Variants in CBLB observed in about 807,000 individuals in gnomAD.
CBLB encodes the protein Cbl proto-oncogene B.
CBLB carries 31 observed loss-of-function variants against 104.9 expected under a neutral mutation model. The ratio of observed to expected loss-of-function variants is 0.30; its 90% CI spans 0.22 to 0.40. The LOEUF is 0.40. CBLB is among the 10% of genes least tolerant of loss of function. The probability of loss-of-function intolerance (pLI) is 1.00; values close to 1 mark genes in which losing one functional copy is unlikely to be tolerated. For missense variants in CBLB, 1,062 were observed against 1,214.6 expected, an observed-to-expected ratio of 0.87 and a Z score of 1.87; for synonymous variants, 440 against 422.6, an observed-to-expected ratio of 1.04 and a Z score of -0.51.
intron 5 of CBLB, among the ~76,000 whole-genome samples, chr3:105,748,889 A>AC (rs1370158240): frequency 1.3e-5 from 2 of 152,086 alleles, no homozygotes; most frequent in Non-Finnish European, 2.9e-5. Flanking sequence ...TACCTTGCTC[A>AC]CCTTCAGTTC....
intron 12 of CBLB, 128 bp downstream of exon 12, chr3:105,701,966 G>C (rs2069189046): frequency 2.1e-6 from 2 of 933,330 alleles, no homozygotes; most frequent in Non-Finnish European, 3.4e-6. Flanking sequence ...TATAACTTGG[G>C]GATAATTAAA....
intron 3 of CBLB, among the ~76,000 whole-genome samples, chr3:105,839,254 A>C (rs1340386354): frequency 6.6e-6 from 1 of 152,234 alleles, no homozygotes; most frequent in Non-Finnish European, 1.5e-5. Context: ...CAGGAAAGCC[A>C]CTAGATTAAA....
chr3:105,775,925 C>T (rs1181409998), intron 4 of CBLB, among the ~76,000 whole-genome samples: 1 of 152,148 alleles, frequency 6.6e-6, no homozygotes, highest in Non-Finnish European at 1.5e-5. Flanking sequence ...CGATTTCAGA[C>T]CTTAACCAAG....
At chr3:105,769,593 T>C (rs964591804) in intron 4 of CBLB, among the ~76,000 whole-genome samples, 1 of 152,118 alleles carries the variant, frequency 6.6e-6, no homozygotes, top group African/African-American at 2.4e-5. Flanking sequence ...TGACTGCCTA[T>C]CCAAGCAGTG....
At chr3:105,734,183 C>T (rs772145896) in intron 8 of CBLB, 43 bp from the exon 9 acceptor site, 3 of 1,603,792 alleles carry the variant, frequency 1.9e-6, no homozygotes, top group Middle Eastern at 1.7e-4. Context: ...TAATGTATTT[C>T]CAGCACAAAT....
chr3:105,731,138 C>T (rs1324504708), intron 9 of CBLB, among the ~76,000 whole-genome samples: 1 of 152,146 alleles, frequency 6.6e-6, no homozygotes, highest in African/African-American at 2.4e-5. Flanking sequence ...TGCACAGTAA[C>T]ACATAGACAT....
At chr3:105,756,977 C>T (rs1338488532) in intron 4 of CBLB, among the ~76,000 whole-genome samples, 2 of 152,104 alleles carry the variant, frequency 1.3e-5, no homozygotes, top group African/African-American at 2.4e-5. Context: ...TTTAAGTGCA[C>T]GGCACCTCCC....
rs2064561979 is a variant in CBLB at position 105,667,175 on chromosome 3, G to T, written c.2689+3058C>A. ...TATTTGGCAATAAGGTCTTTTAATG[G>T]TTTCAAACACATTTGAGTTGTGCTA... is the stretch of plus-strand genomic sequence containing the variant. On this transcript the variant is annotated intron_variant, in intron 18 of 18. Transcript: ENST00000394030. 2.0e-5 allele frequency among the ~76,000 whole-genome samples: 3 copies of T among 152,024 alleles called. No homozygotes were observed. In the South Asian group the frequency reaches 6.2e-4, roughly 31 times the overall value.
intron 3 of CBLB, among the ~76,000 whole-genome samples, chr3:105,799,458 G>A (rs2082600591): frequency 6.6e-6 from 1 of 152,092 alleles, no homozygotes; most frequent in South Asian, 2.1e-4. Context: ...GTGTTTCAGT[G>A]CCTTTCATAT....
At chr3:105,863,706 T>C (rs757170500) in intron 2 of CBLB, among the ~76,000 whole-genome samples, 1 of 152,136 alleles carries the variant, frequency 6.6e-6, no homozygotes, top group South Asian at 2.1e-4. Context: ...ATGTACTAAA[T>C]AGACTGAGGG....
rs180920231 is a variant in CBLB at position 105,820,374 on chromosome 3, C to A, written c.419+33040G>T. Among the ~76,000 whole-genome samples, 21 of 152,228 alleles carry A rather than the reference C, an allele frequency of 1.4e-4. No homozygotes were observed. The East Asian group carries it at 4.1e-3, about 29-fold the overall frequency. On this transcript the variant is annotated intron_variant, in intron 3 of 18. Transcript: ENST00000394030. The stretch of plus-strand genomic sequence containing the variant: ...CGGTCTGTGGCCCAGGGGTTAAGGA[C>A]CCCTGTGTTAGGGTTCAGAAAGAAG...
chr3:105,749,807 C>A, intron 5 of CBLB: 1 of 237,394 alleles, frequency 4.2e-6, no homozygotes, highest in Non-Finnish European at 8.6e-6. Flanking sequence ...TGACCAATAT[C>A]AGACAACTTT....
chr3:105,757,439 A>G (rs1265379524), intron 4 of CBLB, among the ~76,000 whole-genome samples: 3 of 152,174 alleles, frequency 2.0e-5, no homozygotes, highest in Non-Finnish European at 2.9e-5. Context: ...GGTGGTGACT[A>G]TGTGCGACTT....
intron 3 of CBLB, among the ~76,000 whole-genome samples, chr3:105,830,047 G>C (rs770126490): frequency 6.6e-6 from 1 of 152,060 alleles, no homozygotes; most frequent in Non-Finnish European, 1.5e-5. Flanking sequence ...CAATGCCTTA[G>C]GTGTTATAAA....
At chr3:105,679,074 ACC>A (rs1411876737) in intron 16 of CBLB, among the ~76,000 whole-genome samples, 1 of 152,156 alleles carries the variant, frequency 6.6e-6, no homozygotes, top group East Asian at 1.9e-4. Context: ...AATTTATTTA[ACC>A]TAATGTTTCA....
At chr3:105,819,092 C>T (rs1218183616) in intron 3 of CBLB, among the ~76,000 whole-genome samples, 35 of 152,196 alleles carry the variant, frequency 2.3e-4, no homozygotes, top group Admixed American at 2.3e-3. Flanking sequence ...TTAAATCTAG[C>T]TTCATATATC....
At chr3:105,748,819 G>GC (rs908908095) in intron 5 of CBLB, among the ~76,000 whole-genome samples, 12 of 151,854 alleles carry the variant, frequency 7.9e-5, no homozygotes, top group African/African-American at 2.2e-4. Flanking sequence ...TTCATCTCCT[G>GC]CCCCCCCACT....
chr3:105,704,190 G>A lies in CBLB; in HGVS notation c.1408-17C>T, dbSNP rs1165005102. The A allele has an allele frequency of 6.2e-7, 1 of 1,610,620 alleles. No individual in the cohort carries two copies. Among genetic ancestry groups the A allele is most frequent in the Non-Finnish European group, 8.5e-7 (1 of 1,176,846 alleles). ...GTCAGTGCACTAGAACAGAAAAAGA[G>A]AAAGATGCCGCTGTTTATTAGCTGT... On this transcript the variant is annotated splice_polypyrimidine_tract_variant and intron_variant, in intron 10 of 18. Transcript: ENST00000394030.
chr3:105,724,333 T>C (rs927664901), intron 9 of CBLB: 1 of 155,130 alleles, frequency 6.4e-6, no homozygotes, highest in Non-Finnish European at 1.4e-5. Context: ...CTTTTAGTTT[T>C]GATTTGGGAT....
Sources: allele counts gnomAD v4.1 joint callset (sites outside exome capture counted in the v4.1 genomes callset), GRCh38; gene constraint gnomAD v4.1.1; transcripts MANE v1.5; gene names NCBI Gene and HGNC (gene_info 2026-07-23, HGNC 2026-07-21).